Variants in CAMK1D observed in about 807,000 individuals in gnomAD.
CAMK1D encodes calcium/calmodulin-dependent protein kinase type 1D.
A neutral mutation model predicts 47.7 loss-of-function variants in CAMK1D; 9 were observed. The ratio of observed to expected loss-of-function variants is 0.19; its 90% CI spans 0.11 to 0.33. The LOEUF (loss-of-function observed/expected upper bound fraction) is 0.33, where lower values mean the gene tolerates loss of function less well. Among genes scored for constraint, CAMK1D ranks in the 10% least tolerant of loss-of-function variants. The pLI is 1.00. For missense variants in CAMK1D, 291 were observed against 488.7 expected (o/e 0.60, Z 3.81); for synonymous variants, 184 against 184.9 (o/e 0.99, Z 0.04).
intron 2 of CAMK1D, among the ~76,000 whole-genome samples, chr10:12,629,131 G>C (rs1274042849): frequency 6.6e-6 from 1 of 152,154 alleles, no homozygotes; most frequent in Non-Finnish European, 1.5e-5. Context: ...GCTGAGCTTG[G>C]GTGAGGCGGG....
intron 1 of CAMK1D, among the ~76,000 whole-genome samples, chr10:12,361,545 C>T (rs1488989167): frequency 3.2e-5 from 2 of 63,090 alleles, no homozygotes; most frequent in African/African-American, 1.3e-4. Flanking sequence ...GTGCCTGGCC[C>T]TTTTTTTTTT....
chr10:12,758,676 A>G (rs1163920474), intron 3 of CAMK1D, among the ~76,000 whole-genome samples: 2 of 152,208 alleles, frequency 1.3e-5, no homozygotes, highest in Non-Finnish European at 2.9e-5. Context: ...TATATATCAC[A>G]TAATGGGAAA....
chr10:12,595,979 G>A (rs1838136580), intron 2 of CAMK1D, among the ~76,000 whole-genome samples: 1 of 151,884 alleles, frequency 6.6e-6, no homozygotes, highest in Admixed American at 6.6e-5. Flanking sequence ...GGCCACACAT[G>A]GAACCCAGCT....
chr10:12,759,889 T>A (rs1836419647), intron 3 of CAMK1D, among the ~76,000 whole-genome samples: 2 of 152,238 alleles, frequency 1.3e-5, no homozygotes, highest in African/African-American at 4.8e-5. Context: ...GAGTGTGTGT[T>A]ACCGTAGGGC....
intron 2 of CAMK1D, among the ~76,000 whole-genome samples, chr10:12,595,900 T>C (rs1838134425): frequency 6.6e-6 from 1 of 152,182 alleles, no homozygotes; most frequent in South Asian, 2.1e-4. Context: ...TCTCATCGCT[T>C]CCTACTATGA....
At chr10:12,366,230 GTGT>G (rs1490208575) in intron 1 of CAMK1D, among the ~76,000 whole-genome samples, 1 of 152,172 alleles carries the variant, frequency 6.6e-6, no homozygotes, top group Non-Finnish European at 1.5e-5. Flanking sequence ...CTCTATTTCA[GTGT>G]TGTTGTATTG....
chr10:12,799,902 G>A (rs937741444), intron 6 of CAMK1D, among the ~76,000 whole-genome samples: 33 of 152,072 alleles, frequency 2.2e-4, no homozygotes, highest in African/African-American at 7.7e-4. Context: ...AATTTCAGTC[G>A]TGCATCAACT....
intron 1 of CAMK1D, among the ~76,000 whole-genome samples, chr10:12,437,825 C>T (rs532646504): frequency 3.5e-4 from 54 of 152,326 alleles, no homozygotes; most frequent in Non-Finnish European, 7.1e-4. Flanking sequence ...ATTTTCCCCT[C>T]CCTGTCTCCA....
At chr10:12,372,373 G>A (rs1219085493) in intron 1 of CAMK1D, among the ~76,000 whole-genome samples, 3 of 152,182 alleles carry the variant, frequency 2.0e-5, no homozygotes, top group Non-Finnish European at 2.9e-5. Flanking sequence ...CTTGGCCAAG[G>A]TCACATAGAC....
In CAMK1D at chr10:12,727,767, C is replaced by CTT. The variant is rs5783286; in HGVS notation, c.300-33168_300-33167dup. Among the ~76,000 whole-genome samples the CTT allele has an allele frequency of 2.5e-3, 355 of 144,122 alleles. 3 individuals are homozygous for CTT. The highest frequency in any genetic ancestry group is 8.7e-3 in the South Asian group (40 of 4,578). The allele number at this position is 144,122 out of a possible 152,430, so 94.5% of individuals were successfully genotyped here. On this transcript the variant is annotated intron_variant, in intron 3 of 10. Coordinates refer to ENST00000619168, the MANE Select transcript of CAMK1D (RefSeq NM_153498.4). The stretch of plus-strand genomic sequence containing the variant: ...GTCAGGCTTCTAAATTAATCACAGC[C>CTT]TTTTTTTTTTTTTTGAGACTGAGTC...
intron 3 of CAMK1D, among the ~76,000 whole-genome samples, chr10:12,692,902 T>G (rs551380627): frequency 6.6e-6 from 1 of 152,316 alleles, no homozygotes; most frequent in African/African-American, 2.4e-5. Context: ...TTGAAGGAGC[T>G]GTGATGGCAA....
intron 1 of CAMK1D, among the ~76,000 whole-genome samples, chr10:12,474,712 C>T (rs928200075): frequency 3.3e-5 from 5 of 151,770 alleles, no homozygotes; most frequent in African/African-American, 1.2e-4. Flanking sequence ...AAGCATAGTA[C>T]CTGATAGTTA....
chr10:12,499,289 A>G (rs1187436303), intron 1 of CAMK1D, among the ~76,000 whole-genome samples: 1 of 152,092 alleles, frequency 6.6e-6, no homozygotes, highest in Non-Finnish European at 1.5e-5. Context: ...ATGCAAATGG[A>G]CGGTCCTGGG....
chr10:12,597,048 T>C (rs939672461), intron 2 of CAMK1D, among the ~76,000 whole-genome samples: 1 of 152,052 alleles, frequency 6.6e-6, no homozygotes, highest in Admixed American at 6.5e-5. Flanking sequence ...ATTGAGCCCC[T>C]TCAAAGCACC....
chr10:12,625,769 C>T (rs964497678), intron 2 of CAMK1D, among the ~76,000 whole-genome samples: 1 of 151,960 alleles, frequency 6.6e-6, no homozygotes, highest in Non-Finnish European at 1.5e-5. Flanking sequence ...AGACTCCTTA[C>T]ACGTCTTCAC....
intron 1 of CAMK1D, among the ~76,000 whole-genome samples, chr10:12,393,617 A>G (rs1838826764): frequency 6.6e-6 from 1 of 152,300 alleles, no homozygotes; most frequent in South Asian, 2.1e-4. Flanking sequence ...CACTCCCTGT[A>G]TCCTGTAAGC....
intron 4 of CAMK1D, among the ~76,000 whole-genome samples, chr10:12,766,971 G>C (rs1410846779): frequency 1.3e-5 from 2 of 152,124 alleles, no homozygotes; most frequent in Non-Finnish European, 2.9e-5. Context: ...CTGCGATGTT[G>C]ACACATCAGA....
intron 4 of CAMK1D, among the ~76,000 whole-genome samples, chr10:12,761,871 C>T (rs946047095): frequency 1.2e-4 from 18 of 152,102 alleles, no homozygotes; most frequent in Non-Finnish European, 2.2e-4. Flanking sequence ...GGCAACAGAG[C>T]GAAACTCCGT....
chr10:12,638,159 A>G (rs1041735725), intron 2 of CAMK1D, among the ~76,000 whole-genome samples: 1 of 152,134 alleles, frequency 6.6e-6, no homozygotes, highest in South Asian at 2.1e-4. Flanking sequence ...TGGAAGTACA[A>G]TGAAAAGGGC....
Sources: gnomAD v4.1 joint callset for allele counts (sites outside exome capture counted in the v4.1 genomes callset) on GRCh38, gnomAD v4.1.1 for gene constraint, MANE v1.5 for transcripts, NCBI Gene and HGNC (gene_info 2026-07-23, HGNC 2026-07-21) for gene names.